The following SBF1 variants were observed in gnomAD, a reference collection of about 807,000 sequenced individuals.
The protein encoded by SBF1 is SET binding factor 1.
A neutral mutation model predicts 215.8 loss-of-function variants in SBF1; 65 were observed. The ratio of observed to expected loss-of-function variants is 0.30; its 90% CI spans 0.25 to 0.37. The LOEUF is 0.37. Among genes scored for constraint, SBF1 ranks in the 10% least tolerant of loss-of-function variants. The pLI, the probability that SBF1 is intolerant of heterozygous loss-of-function variation, is 1.00. For missense variants in SBF1, 2,634 were observed against 2,667.8 expected (o/e 0.99, Z 0.28); for synonymous variants, 1,410 against 1,122.8 (o/e 1.26, Z -5.11).
At chr22:50,468,208 G>A (rs1201968918) in intron 2 of SBF1, among the ~76,000 whole-genome samples, 168 bp downstream of exon 2, 1 of 152,234 alleles carries the variant, frequency 6.6e-6, no homozygotes, top group East Asian at 1.9e-4. Flanking sequence ...GCACCGCACA[G>A]GCCGCCGGCC....
Position 50,461,960 on chromosome 22 carries a change from A to G in SBF1, c.2556T>C (p.His852=), listed in dbSNP as rs1225171182. 5 of 1,614,042 alleles carry G rather than the reference A, an allele frequency of 3.1e-6. No individual in the cohort carries two copies. In the African/African-American group the frequency reaches 6.7e-5, roughly 22 times the overall value. ...GVTSDHLKGL[H]VMVPDIVQMH... The stretch of plus-strand genomic sequence containing the variant: ...AAACCCCCGTACCTGGCACCATGAC[A>G]TGCAGCCCCTTGAGGTGGTCGCTGG... Residue 852 remains histidine, a synonymous_variant, in exon 20 of 41, where the codon CAT becomes CAC. Coordinates refer to ENST00000380817, the MANE Select transcript of SBF1 (RefSeq NM_002972.4).
At chr22:50,465,896 C>T (rs1048881772) in intron 9 of SBF1, 56 bp from the exon 10 acceptor site, 32 of 1,609,588 alleles carry the variant, frequency 2.0e-5, no homozygotes, top group Admixed American at 3.3e-5. Context: ...CTAGGCTCCC[C>T]GTGCTGCCAG....
In SBF1 at chr22:50,464,803, C is replaced by G. The variant is rs368419164; in HGVS notation, c.1431+16G>C. 6 of 1,613,214 alleles carry G rather than the reference C, an allele frequency of 3.7e-6. No individual in the cohort carries two copies. Among genetic ancestry groups the G allele is most frequent in the Non-Finnish European group, 5.1e-6 (6 of 1,179,868 alleles). ...TCAAGGCGGTACGACGCCCTCCCGT[C>G]CTGCTACCCTCGTACGTTCTTGTAG... is the stretch of plus-strand genomic sequence containing the variant. On this transcript the variant is annotated intron_variant, in intron 13 of 40. Transcript: ENST00000380817.
rs372307321 is a variant in SBF1 at position 50,457,071 on chromosome 22, G to T, written c.3867C>A (p.Pro1289=). ...TCCGTCTGGAGGCCGAGGCCGCCATGGGGTTGGACAGCGTGGTGACCCTGG... is the reference window on the plus strand; with the variant it reads ...TCCGTCTGGAGGCCGAGGCCGCCATTGGGTTGGACAGCGTGGTGACCCTGG... The part of the protein sequence containing the change: ...PRARVTTLSN[P]MAASASRRTA... The change falls in exon 29 of 41, where the codon CCC becomes CCA. Residue 1289 remains proline (P), a synonymous_variant. Transcript: ENST00000380817. 5.4e-6 allele frequency: 8 copies of T among 1,482,442 alleles called. No individual in the cohort carries two copies. In the African/African-American group the frequency reaches 7.4e-5, roughly 14 times the overall value. 91.8% of individuals were successfully genotyped at this position (1,482,442 alleles called of 1,614,324 possible).
rs150964980 is a variant in SBF1 at position 50,472,916 on chromosome 22, G to A, written c.55+1870C>T. On this transcript the variant is annotated intron_variant, in intron 1 of 40. Coordinates refer to ENST00000380817, the MANE Select transcript of SBF1 (RefSeq NM_002972.4). ...GAAGGTAGTGGGTACAGGGCTCCACGGTCCTCCAACCCTACTGCAGTGGAC... is the reference window on the plus strand; with the variant it reads ...GAAGGTAGTGGGTACAGGGCTCCACAGTCCTCCAACCCTACTGCAGTGGAC... 1.7e-3 allele frequency among the ~76,000 whole-genome samples: 261 copies of A among 152,276 alleles called. 2 individuals carry two copies. The highest frequency in any genetic ancestry group is 0.01 in the South Asian group (49 of 4,830).
At position 50,461,222 on chromosome 22, in the gene SBF1, G is replaced by A. The variant is rs1246036363; in HGVS notation, c.2904C>T (p.Ser968=). 16 of 1,612,908 alleles carry A rather than the reference G, an allele frequency of 9.9e-6. No homozygotes were observed. Among genetic ancestry groups the A allele is most frequent in the East Asian group, 6.7e-5 (3 of 44,860 alleles). The change falls in exon 23 of 41, where the codon AGC becomes AGT. Residue 968 remains serine, a synonymous_variant. Transcript: ENST00000380817. ...VAALTKEKRI[S]VQTPVDQLLQ... ...GGAGCTGGTCCACAGGGGTCTGGAC[G>A]CTGATGCGCTTCTCCTTGGTCAGCG...
At chr22:50,455,846 G>C (rs1384520852) in intron 31 of SBF1, 11 of 570,456 alleles carry the variant, frequency 1.9e-5, no homozygotes, top group African/African-American at 3.8e-5. Flanking sequence ...AGATGCCGGT[G>C]GCCCTACCTT....
intron 2 of SBF1, 46 bp from the exon 3 acceptor site, chr22:50,467,969 C>A: frequency 6.2e-7 from 1 of 1,602,658 alleles, no homozygotes; most frequent in South Asian, 1.1e-5. Flanking sequence ...ACACCTGTGG[C>A]AGGAACCAGC....
rs530337132 is a variant in SBF1 at position 50,464,815 on chromosome 22, G to A, written c.1431+4C>T. 65 of 1,613,512 alleles carry A rather than the reference G, an allele frequency of 4.0e-5. No homozygotes were observed. The highest frequency in any genetic ancestry group is 3.3e-4 in the Middle Eastern group (2 of 5,994). ...GACGCCCTCCCGTCCTGCTACCCTCGTACGTTCTTGTAGAGCTGCTCTGCC... is the reference window on the plus strand; with the variant it reads ...GACGCCCTCCCGTCCTGCTACCCTCATACGTTCTTGTAGAGCTGCTCTGCC... On this transcript the variant is annotated splice_donor_region_variant and intron_variant, in intron 13 of 40. Coordinates refer to ENST00000380817, the MANE Select transcript of SBF1 (RefSeq NM_002972.4).
rs553196856 is a variant in SBF1 at position 50,454,265 on chromosome 22, G to A, written c.5043+247C>T. On this transcript the variant is annotated intron_variant, in intron 36 of 40. Transcript: ENST00000380817. ...TGGAGGCTGTGTACTGAGACCTGAG[G>A]GTCTCTGATGACGGCCCTCCTGTCA... is the stretch of plus-strand genomic sequence containing the variant. Among the ~76,000 whole-genome samples, 501 of 152,274 alleles carry A rather than the reference G, an allele frequency of 3.3e-3. 1 individual carries two copies. Among genetic ancestry groups the A allele is most frequent in the African/African-American group, 0.011 (473 of 41,548 alleles).
chr22:50,457,410 G>T (rs1312330890), intron 28 of SBF1: 8 of 351,552 alleles, frequency 2.3e-5, no homozygotes, highest in Non-Finnish European at 3.6e-5. Flanking sequence ...GAGCAAGTCT[G>T]TCTCTGAGTC....
chr22:50,449,561 G>A (rs2066962279), intron 36 of SBF1, among the ~76,000 whole-genome samples: 1 of 151,224 alleles, frequency 6.6e-6, no homozygotes, highest in Admixed American at 6.6e-5. Context: ...GTTGCAGTGA[G>A]CCGAGATCAC....
intron 1 of SBF1, among the ~76,000 whole-genome samples, chr22:50,471,172 G>A (rs137977372): frequency 1.2e-3 from 179 of 152,302 alleles, no homozygotes; most frequent in Middle Eastern, 0.01. Context: ...GGTGGCACTG[G>A]GCACCAAGGT....
rs763797278 is a variant in SBF1 at position 50,455,156 on chromosome 22, G to A, written c.4555-14C>T. On this transcript the variant is annotated splice_polypyrimidine_tract_variant and intron_variant, in intron 33 of 40. Transcript: ENST00000380817. Reference sequence around the variant, plus strand: ...CTGCAGGTGGACCTGCACGCCATGTGGGTCAGGGGCCAGGGCTCAGCGGTC... The same window carrying A: ...CTGCAGGTGGACCTGCACGCCATGTAGGTCAGGGGCCAGGGCTCAGCGGTC... 1.5e-5 allele frequency: 24 copies of A among 1,613,926 alleles called. No homozygotes were observed. Among genetic ancestry groups the A allele is most frequent in the Non-Finnish European group, 1.9e-5 (23 of 1,180,018 alleles).
chr22:50,460,657 C>T lies in SBF1; in HGVS notation c.3023G>A (p.Arg1008His), dbSNP rs769275880. 19 of 1,613,878 alleles carry T rather than the reference C, an allele frequency of 1.2e-5. No individual in the cohort carries two copies. Among genetic ancestry groups the T allele is most frequent in the Non-Finnish European group, 1.6e-5 (19 of 1,180,042 alleles). The change falls in exon 24 of 41, where the codon CGT becomes CAT. Residue 1008 changes from arginine (R) to histidine (H), a missense_variant. Coordinates refer to ENST00000380817, the MANE Select transcript of SBF1 (RefSeq NM_002972.4). The part of the protein sequence containing the change: ...EVGSDSAELF[R>H]KQLHKLRYPP... ...GTACCGCAGCTTATGCAGCTGCTTA[C>T]GGAAGAGCTCGGCGCTGTCAGACCC...
At position 50,464,607 on chromosome 22, in the gene SBF1, T is replaced by A. The variant is rs570013682; in HGVS notation, c.1563A>T (p.Ala521=). The A allele has an allele frequency of 3.7e-6, 6 of 1,611,672 alleles. No individual in the cohort carries two copies. In the East Asian group the frequency reaches 8.9e-5, roughly 24 times the overall value. The change falls in exon 14 of 41, where the codon GCA becomes GCT. Residue 521 remains alanine (A), a synonymous_variant. Transcript: ENST00000380817. ...GTVQWIVDQA[A]AKMQGAPPAV... is the part of the protein sequence containing the mutation. The stretch of plus-strand genomic sequence containing the variant: ...CTGGGGGTGCACCCTGCATCTTGGC[T>A]GCAGCCTGGTCCACGATCCACTGCA...
chr22:50,461,294 C>A lies in SBF1; in HGVS notation c.2840-8G>T, dbSNP rs1360232609. The A allele has an allele frequency of 6.3e-7, 1 of 1,596,620 alleles. No individual in the cohort carries two copies. Among genetic ancestry groups the A allele is most frequent in the Admixed American group, 1.7e-5 (1 of 57,426 alleles). On this transcript the variant is annotated splice_region_variant and splice_polypyrimidine_tract_variant and intron_variant, in intron 22 of 40. Coordinates refer to ENST00000380817, the MANE Select transcript of SBF1 (RefSeq NM_002972.4). ...CCACCACCTGCTCCCCAACTTAGGA[C>A]AGGCCAGGCAGAGTCAGAAGCAAGG...
rs2066833929 is a variant in SBF1, at chr22:50,446,735, G to A, written c.*407C>T. On this transcript the variant is annotated 3_prime_UTR_variant, in exon 41 of 41. Coordinates refer to ENST00000380817, the MANE Select transcript of SBF1 (RefSeq NM_002972.4). ...ACCTCCCGCCAGGTGGGCCTGGATA[G>A]GGGCAGATGGGACCCTCTGGGTAGG... The A allele has an allele frequency of 2.1e-6, 1 of 468,778 alleles. No individual in the cohort carries two copies. Among genetic ancestry groups the A allele is most frequent in the East Asian group, 5.7e-5 (1 of 17,456 alleles). The allele number at this position is 468,778 out of a possible 1,614,324, so 29.0% of individuals were successfully genotyped here. A position where few individuals can be genotyped will look rare whatever the true frequency, so the allele number is the denominator to read the frequency against.
Position 50,462,000 on chromosome 22 carries a change from G to A in SBF1, c.2516C>T (p.Thr839Met), listed in dbSNP as rs748349988. ...FINRFVDKVC[T>M]ESGVTSDHLK... The stretch of plus-strand genomic sequence containing the variant: ...GTGGTCGCTGGTGACCCCACTCTCC[G>A]TGCAGACCTTGTCCACAAAGCGGTT... The change falls in exon 20 of 41, where the codon ACG becomes ATG. Residue 839 changes from threonine to methionine, a missense_variant. Transcript: ENST00000380817. 51 of 1,614,104 alleles carry A rather than the reference G, an allele frequency of 3.2e-5. No individual in the cohort carries two copies. The highest frequency in any genetic ancestry group is 2.2e-5 in the South Asian group (2 of 91,094).
Sources: gnomAD v4.1 joint callset for allele counts (sites outside exome capture counted in the v4.1 genomes callset) on GRCh38, gnomAD v4.1.1 for gene constraint, MANE v1.5 for transcripts, NCBI Gene and HGNC (gene_info 2026-07-23, HGNC 2026-07-21) for gene names.